ST18: variants seen among roughly 807,000 people sequenced by gnomAD.
The protein encoded by ST18 is suppression of tumorigenicity 18 protein.
ST18 carries 50 observed loss-of-function variants against 110.0 expected under a neutral mutation model. The ratio of observed to expected loss-of-function variants is 0.45; its 90% CI spans 0.36 to 0.58. The LOEUF is 0.58. Among genes scored for constraint, ST18 ranks in the 20% least tolerant of loss-of-function variants. ST18 has a pLI of 0.00. For missense variants in ST18, 1,306 were observed against 1,280.1 expected, an observed-to-expected ratio of 1.02 and a Z score of -0.31; for synonymous variants, 461 against 452.4, an observed-to-expected ratio of 1.02 and a Z score of -0.24.
chr8:52,232,180 AG>A (rs2091583981), intron 2 of ST18, among the ~76,000 whole-genome samples: 1 of 152,218 alleles, frequency 6.6e-6, no homozygotes, highest in African/African-American at 2.4e-5. Context: ...TATGATAGAA[AG>A]GAACAGATAA....
At position 52,252,801 on chromosome 8, in the gene ST18, T is replaced by C. The variant is rs142364621; in HGVS notation, c.-464-22724A>G. 5.9e-3 allele frequency among the ~76,000 whole-genome samples: 895 copies of C among 151,936 alleles called. 11 individuals are homozygous for C. The highest frequency in any genetic ancestry group is 0.017 in the Admixed American group (258 of 15,248). On this transcript the variant is annotated intron_variant, in intron 2 of 25. Transcript: ENST00000689386. ...CCACATAATAATCACCACTGAGTAA[T>C]TGAATATTTAGAAGAAGGAGAAAAG...
rs1840942359 is a variant in ST18 at position 52,395,886 on chromosome 8, A to G, written c.-465+13442T>C. ...AGAAACTGAACTTATGAAAACTTTTACAGAATTACTAAAAATGATATGTTT... is the reference window on the plus strand; with the variant it reads ...AGAAACTGAACTTATGAAAACTTTTGCAGAATTACTAAAAATGATATGTTT... On this transcript the variant is annotated intron_variant, in intron 2 of 25. Transcript: ENST00000689386. Among the ~76,000 whole-genome samples the G allele has an allele frequency of 2.0e-5, 3 of 152,370 alleles. No homozygotes were observed. In the Middle Eastern group the frequency reaches 0.01, roughly 518 times the overall value.
chr8:52,366,604 T>C (rs1391591260), intron 2 of ST18, among the ~76,000 whole-genome samples: 13 of 152,176 alleles, frequency 8.5e-5, no homozygotes, highest in Non-Finnish European at 1.9e-4. Context: ...ACGGGACCCA[T>C]CGCTTCATCT....
chr8:52,350,828 C>A (rs935684449), intron 2 of ST18, among the ~76,000 whole-genome samples: 1 of 151,808 alleles, frequency 6.6e-6, no homozygotes, highest in African/African-American at 2.4e-5. Flanking sequence ...TCAAGCAATT[C>A]GATTGCCTCA....
At chr8:52,195,091 C>T (rs2075784605) in intron 8 of ST18, among the ~76,000 whole-genome samples, 2 of 152,188 alleles carry the variant, frequency 1.3e-5, no homozygotes, top group South Asian at 4.1e-4. Flanking sequence ...AGTTCAGCTA[C>T]TGCATAGCCA....
At chr8:52,360,359 G>T (rs1226160248) in intron 2 of ST18, among the ~76,000 whole-genome samples, 3 of 151,796 alleles carry the variant, frequency 2.0e-5, no homozygotes, top group African/African-American at 4.8e-5. Flanking sequence ...CTTTATTTAG[G>T]TCACATAATT....
At chr8:52,216,624 C>A (rs2084331684) in intron 6 of ST18, among the ~76,000 whole-genome samples, 1 of 152,138 alleles carries the variant, frequency 6.6e-6, no homozygotes, top group African/African-American at 2.4e-5. Flanking sequence ...AAACTGAAGG[C>A]ATATGTGTTT....
intron 8 of ST18, among the ~76,000 whole-genome samples, chr8:52,197,270 C>A (rs1304381121): frequency 6.6e-6 from 1 of 152,188 alleles, no homozygotes; most frequent in Non-Finnish European, 1.5e-5. Context: ...ATTATCCAGA[C>A]AACTCTGGGT....
chr8:52,314,740 C>T (rs1351214009), intron 2 of ST18, among the ~76,000 whole-genome samples: 1 of 152,166 alleles, frequency 6.6e-6, no homozygotes, highest in Non-Finnish European at 1.5e-5. Context: ...CCAACCAGAG[C>T]CTCCTCTGTG....
At chr8:52,326,015 TG>T (rs1806196063) in intron 2 of ST18, among the ~76,000 whole-genome samples, 2 of 152,204 alleles carry the variant, frequency 1.3e-5, no homozygotes, top group Non-Finnish European at 2.9e-5. Context: ...ATAAAACCTT[TG>T]GTTGAGTCCT....
chr8:52,281,095 T>A lies in ST18; in HGVS notation c.-464-51018A>T, dbSNP rs531575364. Among the ~76,000 whole-genome samples, 6 of 152,146 alleles carry A rather than the reference T, an allele frequency of 3.9e-5. 1 individual carries two copies. The South Asian group carries it at 1.2e-3, about 32-fold the overall frequency. On this transcript the variant is annotated intron_variant, in intron 2 of 25. Transcript: ENST00000689386. ...GCTTCTAAATAACTCATAAAGCTCGTGGTAATTAGAAAACACTCTTACAGA... is the reference window on the plus strand; with the variant it reads ...GCTTCTAAATAACTCATAAAGCTCGAGGTAATTAGAAAACACTCTTACAGA...
chr8:52,358,869 G>A (rs541901173), intron 2 of ST18, among the ~76,000 whole-genome samples: 2 of 151,734 alleles, frequency 1.3e-5, no homozygotes, highest in East Asian at 3.9e-4. Flanking sequence ...ATTCTATGAG[G>A]CCAGCCTTAC....
At chr8:52,282,958 T>G (rs1383969264) in intron 2 of ST18, among the ~76,000 whole-genome samples, 3 of 152,158 alleles carry the variant, frequency 2.0e-5, no homozygotes, top group Non-Finnish European at 4.4e-5. Flanking sequence ...GTACTCTGGC[T>G]ACTGTGCCAC....
chr8:52,280,450 T>A (rs1232050471), intron 2 of ST18, among the ~76,000 whole-genome samples: 1 of 152,026 alleles, frequency 6.6e-6, no homozygotes, highest in Non-Finnish European at 1.5e-5. Flanking sequence ...ATGCATGACA[T>A]GTATATACAC....
intron 15 of ST18, among the ~76,000 whole-genome samples, chr8:52,155,287 G>C (rs1416688085): frequency 4.6e-5 from 7 of 152,128 alleles, no homozygotes; most frequent in African/African-American, 1.7e-4. Context: ...ACTAAGCACT[G>C]ATAGTGTTAA....
chr8:52,372,474 C>T (rs1260380523), intron 2 of ST18, among the ~76,000 whole-genome samples: 1 of 152,202 alleles, frequency 6.6e-6, no homozygotes, highest in Non-Finnish European at 1.5e-5. Flanking sequence ...CTAAAGTCTA[C>T]AGCAGTGCAC....
Position 52,113,325 on chromosome 8 carries a change from T to C in ST18, c.3017A>G (p.Glu1006Gly), listed in dbSNP as rs2041108647. The C allele has an allele frequency of 6.2e-7, 1 of 1,613,816 alleles. No individual in the cohort carries two copies. Residue 1006 changes from glutamate (E) to glycine (G), a missense_variant, in exon 26 of 26, where the codon GAG (glutamate) becomes GGG (glycine). Transcript: ENST00000689386. ...IQLPQMGPIS[E>G]QNFEAYVNTL... ...ATTTACATATGCTTCAAAATTCTGC[T>C]CACTGATAGGTCCCTAAATGGAGAC...
At chr8:52,283,660 C>T (rs749074848) in intron 2 of ST18, among the ~76,000 whole-genome samples, 6 of 152,132 alleles carry the variant, frequency 3.9e-5, no homozygotes, top group Non-Finnish European at 8.8e-5. Context: ...CTGGAAGTCG[C>T]GTGTTAAAGA....
chr8:52,263,039 T>G (rs2094746000), intron 2 of ST18, among the ~76,000 whole-genome samples: 1 of 152,232 alleles, frequency 6.6e-6, no homozygotes, highest in African/African-American at 2.4e-5. Flanking sequence ...TGTGCCTCAG[T>G]GCTTCTGTGA....
Sources: gnomAD v4.1 joint callset for allele counts (sites outside exome capture counted in the v4.1 genomes callset) on GRCh38, gnomAD v4.1.1 for gene constraint, MANE v1.5 for transcripts, NCBI Gene and HGNC (gene_info 2026-07-23, HGNC 2026-07-21) for gene names.